The following PAPPA2 variants were observed in gnomAD, a reference collection of about 807,000 sequenced individuals.
PAPPA2 encodes pappalysin-2.
In PAPPA2, 86 loss-of-function variants were observed where a neutral mutation model predicts 176.4. The observed-to-expected ratio is 0.49, with a 90% CI of 0.41 to 0.58. PAPPA2 has a LOEUF of 0.58. PAPPA2 is among the 20% of genes least tolerant of loss of function. The pLI is 0.00. For synonymous variants in PAPPA2, 809 were observed against 852.2 expected (o/e 0.95, Z 0.88); for missense variants, 2,073 against 2,256.9 (o/e 0.92, Z 1.65).
chr1:176,651,899 C>T (rs1657747233), intron 3 of PAPPA2, among the ~76,000 whole-genome samples: 1 of 150,582 alleles, frequency 6.6e-6, no homozygotes, highest in African/African-American at 2.4e-5. Flanking sequence ...TATTTTTTTT[C>T]CTCTGCTTGC....
intron 21 of PAPPA2, among the ~76,000 whole-genome samples, chr1:176,830,309 AT>A (rs1410595783): frequency 3.9e-5 from 6 of 152,244 alleles, no homozygotes; most frequent in African/African-American, 1.4e-4. Flanking sequence ...ACTGTTTTGA[AT>A]TTTTAGTTTT....
Position 176,845,595 on chromosome 1 carries a change from C to T in PAPPA2, c.*3141C>T, listed in dbSNP as rs1361699381. On this transcript the variant is annotated 3_prime_UTR_variant, in exon 23 of 23. Coordinates refer to ENST00000367662, the MANE Select transcript of PAPPA2 (RefSeq NM_020318.3). ...AGTTGTTCATTAAAAAATCAGCACACAAAATATGAAGTGTCTTTGGTGTTT... is the reference window on the plus strand; with the variant it reads ...AGTTGTTCATTAAAAAATCAGCACATAAAATATGAAGTGTCTTTGGTGTTT... 4 of 152,164 alleles carry T rather than the reference C, an allele frequency of 2.6e-5. No homozygotes were observed. The highest frequency in any genetic ancestry group is 9.7e-5 in the African/African-American group (4 of 41,444). 9.4% of individuals were successfully genotyped at this position (152,164 alleles called of 1,614,324 possible).
At chr1:176,825,332 C>G (rs979477802) in intron 21 of PAPPA2, among the ~76,000 whole-genome samples, 4 of 152,208 alleles carry the variant, frequency 2.6e-5, no homozygotes, top group African/African-American at 9.7e-5. Flanking sequence ...GGGTGTTATG[C>G]ATGGTCTCAT....
intron 21 of PAPPA2, among the ~76,000 whole-genome samples, chr1:176,810,755 C>G (rs925869889): frequency 6.6e-6 from 1 of 152,190 alleles, no homozygotes; most frequent in African/African-American, 2.4e-5. Flanking sequence ...GAATCAGAAA[C>G]TGTGGGGGTG....
chr1:176,771,238 GTT>G (rs1664211849), intron 17 of PAPPA2, 58 bp downstream of exon 17: 1 of 1,545,172 alleles, frequency 6.5e-7, no homozygotes, highest in African/African-American at 1.4e-5. Context: ...TGTTATGTTT[GTT>G]TTTCTGTATA....
intron 7 of PAPPA2, among the ~76,000 whole-genome samples, 179 bp downstream of exon 7, chr1:176,696,038 G>A (rs1487516842): frequency 2.6e-5 from 4 of 151,480 alleles, no homozygotes; most frequent in Non-Finnish European, 5.9e-5. Flanking sequence ...GCTGCCTGGT[G>A]CCGCTGTGTG....
Position 176,765,722 on chromosome 1 carries a change from A to T in PAPPA2, c.4208A>T (p.His1403Leu). Residue 1403 changes from histidine to leucine, a missense_variant, in exon 15 of 23, where the codon CAT (histidine) becomes CTT (leucine). Around this residue, in one of 4 missense-constraint regions of PAPPA2, gnomAD observed 846 missense variants for 857.9 expected, o/e 0.99. Transcript: ENST00000367662. ...AGCTGTCCGTCATTGCTGCTTGATC[A>T]TGCTGATGTGGTGAACTGTACCTCT... ...QDSCPSLLLD[H>L]ADVVNCTSIG... The T allele has an allele frequency of 6.2e-7, 1 of 1,614,036 alleles. No homozygotes were observed. The highest frequency in any genetic ancestry group is 8.5e-7 in the Non-Finnish European group (1 of 1,180,022).
intron 14 of PAPPA2, among the ~76,000 whole-genome samples, chr1:176,764,689 C>T (rs1571292812): frequency 6.6e-6 from 1 of 151,924 alleles, no homozygotes; most frequent in South Asian, 2.1e-4. Context: ...CTCCGCCTCC[C>T]GGGTTCACGC....
intron 3 of PAPPA2, among the ~76,000 whole-genome samples, chr1:176,653,090 C>T (rs1657830811): frequency 6.6e-6 from 1 of 151,692 alleles, no homozygotes; most frequent in Non-Finnish European, 1.5e-5. Context: ...GGAGTTACAA[C>T]TGGATTTGGG....
At chr1:176,571,549 G>A (rs1194496234) in intron 2 of PAPPA2, among the ~76,000 whole-genome samples, 2 of 152,162 alleles carry the variant, frequency 1.3e-5, no homozygotes, top group Non-Finnish European at 2.9e-5. Context: ...GTCACAGAAG[G>A]GACCCAGGAC....
chr1:176,809,951 A>AGT (rs55858181), intron 21 of PAPPA2, among the ~76,000 whole-genome samples: 20,782 of 133,510 alleles, frequency 0.16, 1,701 homozygotes, highest in Middle Eastern at 0.2. Flanking sequence ...GACAAGATGC[A>AGT]GTGTGTGTGT....
chr1:176,557,248 C>A lies in PAPPA2; in HGVS notation c.919+7C>A. The A allele has an allele frequency of 1.9e-6, 3 of 1,566,192 alleles. No homozygotes were observed. Among genetic ancestry groups the A allele is most frequent in the African/African-American group, 2.7e-5 (2 of 73,730 alleles). On this transcript the variant is annotated splice_region_variant and intron_variant, in intron 2 of 22. Transcript: ENST00000367662. ...AACCCAGCCATCATCGCAGGTAACA[C>A]CCTTCTCCTGGGCTTTCTGAAATCC...
chr1:176,674,817 G>A (rs527419825), intron 4 of PAPPA2, among the ~76,000 whole-genome samples: 1 of 150,636 alleles, frequency 6.6e-6, no homozygotes, highest in African/African-American at 2.4e-5. Context: ...TGGATCAAAA[G>A]GTAAATCTAC....
chr1:176,754,733 G>A lies in PAPPA2; in HGVS notation c.4152-10933G>A, dbSNP rs561955583. Among the ~76,000 whole-genome samples, 78 of 152,338 alleles carry A rather than the reference G, an allele frequency of 5.1e-4. 1 individual carries two copies. The highest frequency in any genetic ancestry group is 3.4e-3 in the Middle Eastern group (1 of 294). On this transcript the variant is annotated intron_variant, in intron 14 of 22. Transcript: ENST00000367662. ...CCTGTCAGTATAGTCTGTATTCATG[G>A]CAGCTGGTGGAGAGAGCACAGAAAA...
intron 2 of PAPPA2, among the ~76,000 whole-genome samples, chr1:176,583,628 A>G (rs1653118794): frequency 6.6e-6 from 1 of 152,164 alleles, no homozygotes; most frequent in African/African-American, 2.4e-5. Context: ...TTTTAGCGAC[A>G]TGGTCTCACT....
chr1:176,757,984 G>T (rs1345359873), intron 14 of PAPPA2, among the ~76,000 whole-genome samples: 4 of 152,088 alleles, frequency 2.6e-5, no homozygotes, highest in Admixed American at 2.0e-4. Context: ...AGGAAGAGAT[G>T]GACACATCCT....
At chr1:176,747,539 AGAAAAAAAATCTGAG>A (rs1662966359) in intron 14 of PAPPA2, among the ~76,000 whole-genome samples, 1 of 152,228 alleles carries the variant, frequency 6.6e-6, no homozygotes, top group South Asian at 2.1e-4. Flanking sequence ...TTCTTAGAGA[AGAAAAAAAATCTGAG>A]GAAACATATT....
At chr1:176,782,450 AAGTT>A (rs932501454) in intron 17 of PAPPA2, among the ~76,000 whole-genome samples, 3 of 152,148 alleles carry the variant, frequency 2.0e-5, no homozygotes, top group African/African-American at 7.2e-5. Context: ...AAAAAAGAAA[AAGTT>A]AGAGGGGCAA....
At chr1:176,618,151 G>A (rs1250987038) in intron 3 of PAPPA2, among the ~76,000 whole-genome samples, 1 of 152,184 alleles carries the variant, frequency 6.6e-6, no homozygotes, top group Non-Finnish European at 1.5e-5. Flanking sequence ...GTACTGATTA[G>A]TGTGGTCTCT....
Sources: gnomAD v4.1 joint callset for allele counts (sites outside exome capture counted in the v4.1 genomes callset) on GRCh38, gnomAD v4.1.1 for gene constraint, gnomAD v4.1.1 regional missense constraint, MANE v1.5 for transcripts, NCBI Gene and HGNC (gene_info 2026-07-23, HGNC 2026-07-21) for gene names.